Variants in GRID2 observed in about 807,000 individuals in gnomAD.
GRID2 encodes glutamate receptor ionotropic, delta-2.
In GRID2, 33 loss-of-function variants were observed where a neutral mutation model predicts 114.8. The ratio of observed to expected loss-of-function variants is 0.29; its 90% CI spans 0.22 to 0.38. The LOEUF (loss-of-function observed/expected upper bound fraction) is 0.38. Among genes scored for constraint, GRID2 ranks in the 10% least tolerant of loss-of-function variants. The pLI is 1.00. For synonymous variants in GRID2, 505 were observed against 449.9 expected (o/e 1.12, Z -1.55); for missense variants, 1,184 against 1,257.7 (o/e 0.94, Z 0.89).
At chr4:92,626,747 C>T (rs1420297209) in intron 2 of GRID2, among the ~76,000 whole-genome samples, 1 of 151,884 alleles carries the variant, frequency 6.6e-6, no homozygotes, top group Non-Finnish European at 1.5e-5. Context: ...AGAGAAGATA[C>T]CACAACATAA....
chr4:92,545,998 A>G (rs1426678369), intron 1 of GRID2, among the ~76,000 whole-genome samples: 1 of 152,150 alleles, frequency 6.6e-6, no homozygotes, highest in Non-Finnish European at 1.5e-5. Context: ...GCAAACTTTT[A>G]AAATGCTGCT....
intron 2 of GRID2, among the ~76,000 whole-genome samples, chr4:93,064,065 T>C (rs891387336): frequency 7.3e-5 from 11 of 150,170 alleles, no homozygotes; most frequent in Non-Finnish European, 1.3e-4. Flanking sequence ...TACATTTACA[T>C]GTTACAATGT....
chr4:92,456,641 A>C (rs559472238), intron 1 of GRID2, among the ~76,000 whole-genome samples: 6 of 152,140 alleles, frequency 3.9e-5, no homozygotes, highest in Non-Finnish European at 7.4e-5. Flanking sequence ...ATCTAAAAAG[A>C]TCTAATCTAT....
intron 1 of GRID2, among the ~76,000 whole-genome samples, chr4:92,343,012 C>T (rs1422898030): frequency 2.0e-5 from 3 of 151,994 alleles, no homozygotes; most frequent in African/African-American, 7.2e-5. Flanking sequence ...ATAATATGAA[C>T]TGAAAGATAT....
At chr4:93,162,948 A>C (rs1393804) in intron 4 of GRID2, among the ~76,000 whole-genome samples, 61,117 of 151,762 alleles carry the variant, frequency 0.4, 12,669 homozygotes, top group Middle Eastern at 0.6. Flanking sequence ...CAGGAATAAA[A>C]GCACTTACCG....
At chr4:92,823,378 G>C (rs1455096648) in intron 2 of GRID2, among the ~76,000 whole-genome samples, 1 of 152,074 alleles carries the variant, frequency 6.6e-6, no homozygotes, top group Admixed American at 6.6e-5. Context: ...GTACAAGATT[G>C]ATCTATTGAT....
chr4:93,578,587 A>ATTTTTTTTTTTTTTTTGTT (rs1736648065), intron 13 of GRID2, among the ~76,000 whole-genome samples: 1 of 83,926 alleles, frequency 1.2e-5, no homozygotes, highest in African/African-American at 5.2e-5. Flanking sequence ...TGTTTTTTGT[A>ATTTTTTTTTTTTTTTTGTT]TTTTTTTTTT....
At chr4:93,222,549 T>C (rs188288287) in intron 6 of GRID2, among the ~76,000 whole-genome samples, 1,538 of 151,996 alleles carry the variant, frequency 0.01, 33 homozygotes, top group African/African-American at 0.035. Context: ...ATGTGCCATG[T>C]TGGTGTGCTG....
chr4:92,969,223 A>G (rs1753342163), intron 2 of GRID2, among the ~76,000 whole-genome samples: 1 of 151,522 alleles, frequency 6.6e-6, no homozygotes, highest in African/African-American at 2.4e-5. Flanking sequence ...ATAGAGATGG[A>G]TGTAAAGTGT....
chr4:93,377,958 T>A (rs1763523661), intron 8 of GRID2, among the ~76,000 whole-genome samples: 1 of 152,174 alleles, frequency 6.6e-6, no homozygotes, highest in Admixed American at 6.6e-5. Flanking sequence ...TATTTTATAA[T>A]TTCAACTTTT....
At chr4:92,676,128 C>A (rs12647704) in intron 2 of GRID2, among the ~76,000 whole-genome samples, 8,154 of 131,650 alleles carry the variant, frequency 0.062, 329 homozygotes, top group East Asian at 0.16. Context: ...TAAATCAGTT[C>A]ATATGTTATG....
chr4:93,447,296 A>G (rs1722179254), intron 10 of GRID2, among the ~76,000 whole-genome samples: 1 of 152,030 alleles, frequency 6.6e-6, no homozygotes, highest in South Asian at 2.1e-4. Context: ...AACTCAATAA[A>G]CAAAATATGA....
chr4:93,158,468 A>G (rs1737377768), intron 4 of GRID2, among the ~76,000 whole-genome samples: 1 of 151,728 alleles, frequency 6.6e-6, no homozygotes, highest in Non-Finnish European at 1.5e-5. Context: ...GGTTGAATCA[A>G]TTTATTAGGG....
At chr4:92,421,869 C>T (rs1039816972) in intron 1 of GRID2, among the ~76,000 whole-genome samples, 2 of 152,070 alleles carry the variant, frequency 1.3e-5, no homozygotes, top group African/African-American at 2.4e-5. Context: ...TTCAAATCTG[C>T]AAGGGATGCT....
intron 8 of GRID2, among the ~76,000 whole-genome samples, chr4:93,379,528 G>A (rs1763665301): frequency 6.6e-6 from 1 of 152,072 alleles, no homozygotes; most frequent in Non-Finnish European, 1.5e-5. Context: ...GATTGGAAAT[G>A]CATCTCAGTA....
chr4:93,463,941 A>G (rs1339371031), intron 11 of GRID2, among the ~76,000 whole-genome samples: 1 of 152,154 alleles, frequency 6.6e-6, no homozygotes, highest in Non-Finnish European at 1.5e-5. Flanking sequence ...GTGAGCCGAG[A>G]TTGTGCCACT....
intron 2 of GRID2, among the ~76,000 whole-genome samples, chr4:92,785,310 T>C (rs750953009): frequency 2.6e-4 from 39 of 151,642 alleles, no homozygotes; most frequent in Non-Finnish European, 4.4e-4. Flanking sequence ...CTTGAATCTA[T>C]AAGTGGCAGA....
chr4:93,791,299 G>C (rs1734690096), intron 1 of GRID2, among the ~76,000 whole-genome samples: 2 of 152,150 alleles, frequency 1.3e-5, no homozygotes, highest in African/African-American at 4.8e-5. Flanking sequence ...ACCACCTCGT[G>C]TCAGGGCCAA....
intron 2 of GRID2, among the ~76,000 whole-genome samples, chr4:92,728,409 G>C (rs1579926971): frequency 6.6e-6 from 1 of 152,032 alleles, no homozygotes; most frequent in Admixed American, 6.6e-5. Context: ...GTTTCACAGG[G>C]CATGTGGGAA....
Sources: gnomAD v4.1 joint callset for allele counts (sites outside exome capture counted in the v4.1 genomes callset) on GRCh38, gnomAD v4.1.1 for gene constraint, MANE v1.5 for transcripts, NCBI Gene and HGNC (gene_info 2026-07-23, HGNC 2026-07-21) for gene names.